Variants in DPP10 observed in about 807,000 individuals in gnomAD.
DPP10 encodes dipeptidyl peptidase like 10, also known as inactive dipeptidyl peptidase 10.
In DPP10, 33 loss-of-function variants were observed where a neutral mutation model predicts 120.9. The observed-to-expected ratio is 0.27, with a 90% confidence interval of 0.21 to 0.37. The LOEUF (loss-of-function observed/expected upper bound fraction) is 0.37, where lower values mean the gene tolerates loss of function less well. DPP10 is among the 10% of genes least tolerant of loss of function. The pLI is 1.00. For synonymous variants in DPP10, 337 were observed against 326.1 expected, an observed-to-expected ratio of 1.03 and a Z score of -0.36; for missense variants, 816 against 942.8, an observed-to-expected ratio of 0.87 and a Z score of 1.76.
chr2:115,498,936 G>A (rs1239975530), intron 3 of DPP10, among the ~76,000 whole-genome samples: 1 of 151,964 alleles, frequency 6.6e-6, no homozygotes, highest in East Asian at 1.9e-4. Flanking sequence ...CATTGATATA[G>A]TAGTAGCCTC....
chr2:115,552,542 T>C (rs1385416559), intron 5 of DPP10, among the ~76,000 whole-genome samples: 1 of 152,098 alleles, frequency 6.6e-6, no homozygotes, highest in Non-Finnish European at 1.5e-5. Flanking sequence ...TTATCTTGGA[T>C]TGCAGTCTAC....
chr2:115,023,388 A>G (rs1703216959), intron 1 of DPP10, among the ~76,000 whole-genome samples: 2 of 152,224 alleles, frequency 1.3e-5, no homozygotes, highest in African/African-American at 4.8e-5. Context: ...AGCATATGGA[A>G]AAATGCTCAA....
rs570279029 is a variant in DPP10, at chr2:114,480,624, A to G, written c.60+37786A>G. On this transcript the variant is annotated intron_variant, in intron 1 of 25. Coordinates refer to ENST00000410059, the MANE Select transcript of DPP10 (RefSeq NM_020868.6). ...TCGCAAGGACAAAAAACCAAACACCACATGTTCTCACTCATAGGTGGGAAT... is the reference window on the plus strand; with the variant it reads ...TCGCAAGGACAAAAAACCAAACACCGCATGTTCTCACTCATAGGTGGGAAT... Among the ~76,000 whole-genome samples, 1,365 of 148,408 alleles carry G rather than the reference A, an allele frequency of 9.2e-3. 15 individuals are homozygous for G. The highest frequency in any genetic ancestry group is 0.032 in the African/African-American group (1,282 of 40,478).
intron 3 of DPP10, among the ~76,000 whole-genome samples, chr2:115,356,536 T>C (rs1358005189): frequency 6.6e-6 from 1 of 152,106 alleles, no homozygotes; most frequent in East Asian, 1.9e-4. Flanking sequence ...CCTATTTGAA[T>C]ACCCTTACTT....
At position 114,658,025 on chromosome 2, in the gene DPP10, G is replaced by A. The variant is rs191669239; in HGVS notation, c.60+215187G>A. On this transcript the variant is annotated intron_variant, in intron 1 of 25. Coordinates refer to ENST00000410059, the MANE Select transcript of DPP10 (RefSeq NM_020868.6). The stretch of plus-strand genomic sequence containing the variant: ...TTAAAGTGTTGTGTGATTTAAATAC[G>A]TATTTGTGTGTGTGAGAGAATATGA... Among the ~76,000 whole-genome samples, 359 of 152,200 alleles carry A rather than the reference G, an allele frequency of 2.4e-3. 4 individuals are homozygous for A. The highest frequency in any genetic ancestry group is 0.019 in the South Asian group (90 of 4,828).
intron 1 of DPP10, among the ~76,000 whole-genome samples, chr2:114,577,918 A>C (rs1690190392): frequency 6.6e-6 from 1 of 152,188 alleles, no homozygotes; most frequent in African/African-American, 2.4e-5. Context: ...GTCATGTTGG[A>C]TTAAGACCTA....
chr2:115,747,102 G>A (rs1045183287), intron 10 of DPP10, among the ~76,000 whole-genome samples: 1 of 152,084 alleles, frequency 6.6e-6, no homozygotes, highest in African/African-American at 2.4e-5. Flanking sequence ...AAAGGTTTAT[G>A]GAATGCTTAC....
At chr2:115,530,010 T>G (rs750289961) in intron 5 of DPP10, among the ~76,000 whole-genome samples, 2 of 152,104 alleles carry the variant, frequency 1.3e-5, no homozygotes, top group African/African-American at 2.4e-5. Context: ...AAAATATAAT[T>G]AACAATATAA....
chr2:114,687,646 C>T (rs916160907), intron 1 of DPP10, among the ~76,000 whole-genome samples: 2 of 151,982 alleles, frequency 1.3e-5, no homozygotes, highest in African/African-American at 2.4e-5. Flanking sequence ...AACAGCTGTT[C>T]TGAAGCTGGG....
intron 1 of DPP10, among the ~76,000 whole-genome samples, chr2:114,727,184 A>T (rs1574053068): frequency 6.6e-6 from 1 of 152,080 alleles, no homozygotes. Context: ...TTCTCTGGGG[A>T]ACACTGATTA....
chr2:114,670,851 A>C (rs889394034), intron 1 of DPP10, among the ~76,000 whole-genome samples: 1 of 152,128 alleles, frequency 6.6e-6, no homozygotes, highest in African/African-American at 2.4e-5. Flanking sequence ...AGAAGTAAAT[A>C]ATTGTTGTGC....
intron 1 of DPP10, among the ~76,000 whole-genome samples, chr2:114,740,392 GAT>G (rs1677917230): frequency 6.9e-6 from 1 of 144,058 alleles, no homozygotes; most frequent in South Asian, 2.3e-4. Context: ...AGCATTAGGA[GAT>G]ATACCTAATG....
intron 3 of DPP10, among the ~76,000 whole-genome samples, chr2:115,429,010 A>G (rs960279062): frequency 1.3e-5 from 2 of 152,178 alleles, no homozygotes; most frequent in Non-Finnish European, 2.9e-5. Flanking sequence ...TCAGGTAGCG[A>G]CATAAGAAAA....
intron 1 of DPP10, among the ~76,000 whole-genome samples, chr2:114,495,602 T>TAAGACATTA (rs1057489250): frequency 6.6e-6 from 1 of 152,206 alleles, no homozygotes; most frequent in Non-Finnish European, 1.5e-5. Context: ...TGTTCTTTTA[T>TAAGACATTA]AAGACATTGC....
chr2:115,602,970 G>A (rs552519301), intron 5 of DPP10, among the ~76,000 whole-genome samples: 98 of 152,090 alleles, frequency 6.4e-4, no homozygotes, highest in African/African-American at 2.2e-3. Flanking sequence ...AATTATTAAG[G>A]TTCTTGATTC....
At chr2:114,849,830 A>G (rs6753419) in intron 1 of DPP10, among the ~76,000 whole-genome samples, 15,397 of 152,098 alleles carry the variant, frequency 0.1, 2,617 homozygotes, top group African/African-American at 0.35. Flanking sequence ...TAGTCTAGAT[A>G]ATCTGACAAT....
chr2:115,394,946 AATT>A (rs1184665370), intron 3 of DPP10, among the ~76,000 whole-genome samples: 2 of 152,204 alleles, frequency 1.3e-5, no homozygotes, highest in East Asian at 3.9e-4. Flanking sequence ...ATAAGATGAT[AATT>A]TGATGATGGA....
rs561812652 is a variant in DPP10, at chr2:115,050,671, G to A, written c.61-258568G>A. Among the ~76,000 whole-genome samples the A allele has an allele frequency of 1.5e-4, 23 of 152,274 alleles. No homozygotes were observed. The South Asian group carries it at 4.6e-3, about 30-fold the overall frequency. On this transcript the variant is annotated intron_variant, in intron 1 of 25. Coordinates refer to ENST00000410059, the MANE Select transcript of DPP10 (RefSeq NM_020868.6). ...CTGGGAATCCAGAGGGCCACACGTA[G>A]GTACAGGGCAGTGCAAATCCTCAGG...
rs547672214 is a variant in DPP10, at chr2:114,536,696, T to A, written c.60+93858T>A. Among the ~76,000 whole-genome samples the A allele has an allele frequency of 7.2e-5, 11 of 152,322 alleles. No individual in the cohort carries two copies. The East Asian group carries it at 1.2e-3, about 16-fold the overall frequency. Reference sequence around the variant, plus strand: ...CTGGGATTACAGGTGTGAGCCACCATGCTTGGCCAACTTTGGTCTGTTCTT... The same window carrying A: ...CTGGGATTACAGGTGTGAGCCACCAAGCTTGGCCAACTTTGGTCTGTTCTT... On this transcript the variant is annotated intron_variant, in intron 1 of 25. Coordinates refer to ENST00000410059, the MANE Select transcript of DPP10 (RefSeq NM_020868.6).
Sources: allele counts gnomAD v4.1 joint callset (sites outside exome capture counted in the v4.1 genomes callset), GRCh38; gene constraint gnomAD v4.1.1; transcripts MANE v1.5; gene names NCBI Gene and HGNC (gene_info 2026-07-23, HGNC 2026-07-21).